The following DPH2 variants were observed in gnomAD, a reference collection of about 807,000 sequenced individuals.
The protein encoded by DPH2 is 2-(3-amino-3-carboxypropyl)histidine synthase subunit 2.
DPH2 carries 28 observed loss-of-function variants against 42.5 expected under a neutral mutation model. That is an observed-to-expected ratio of 0.66 (90% CI 0.49 to 0.90). The LOEUF is 0.90. DPH2 is among the 40% of genes least tolerant of loss of function. The pLI is 0.00. For synonymous variants in DPH2, 279 were observed against 264.4 expected (o/e 1.06, Z -0.53); for missense variants, 576 against 636.0 (o/e 0.91, Z 1.01).
chr1:43,972,258 G>C lies in DPH2; in HGVS notation c.1269G>C (p.Trp423Cys), dbSNP rs762053576. 3.7e-6 allele frequency: 6 copies of C among 1,614,074 alleles called. No homozygotes were observed. The African/African-American group carries it at 8.0e-5, about 22-fold the overall frequency. ...GAGATCTCCGACCCCCACCTGCCTGGAAGTCATCAAATGATCATGGAAGCT... is the reference window on the plus strand; with the variant it reads ...GAGATCTCCGACCCCCACCTGCCTGCAAGTCATCAAATGATCATGGAAGCT... Reference protein sequence around the residue: ...ITGDLRPPPAWKSSNDHGSLA... With the variant: ...ITGDLRPPPACKSSNDHGSLA... Residue 423 changes from tryptophan (W) to cysteine (C), a missense_variant, in exon 5 of 6, where the codon TGG becomes TGC. Transcript: ENST00000255108.
rs770955019 is a variant in DPH2 at position 43,972,491 on chromosome 1, T to C, written c.1422T>C (p.Ser474=). Reference sequence around the variant, plus strand: ...AGACGCCAGTGACAGAAGCTGTGAGTGGAAGACGAGGGATTGCCATCGCCT... The same window carrying C: ...AGACGCCAGTGACAGAAGCTGTGAGCGGAAGACGAGGGATTGCCATCGCCT... ...LGQTPVTEAV[S]GRRGIAIAYE... The change falls in exon 6 of 6, where the codon AGT becomes AGC. Residue 474 remains serine, a synonymous_variant. Coordinates refer to ENST00000255108, the MANE Select transcript of DPH2 (RefSeq NM_001384.5). 2 of 1,614,104 alleles carry C rather than the reference T, an allele frequency of 1.2e-6. No individual in the cohort carries two copies. Among genetic ancestry groups the C allele is most frequent in the Admixed American group, 3.3e-5 (2 of 60,020 alleles).
rs769917567 is a variant in DPH2 at position 43,972,422 on chromosome 1, C to A, written c.1353C>A (p.Phe451Leu). Residue 451 changes from phenylalanine (F) to leucine (L), a missense_variant, in exon 6 of 6, where the codon TTC (phenylalanine) becomes TTA (leucine). Transcript: ENST00000255108. ...ELAESSPAAS[F>L]LSSRSWQGLE... ...AGCCCCCTCCCTCTACAGCCTCATT[C>A]CTTAGTTCCCGGAGCTGGCAAGGGC... 6.2e-7 allele frequency: 1 copy of A among 1,614,232 alleles called. No homozygotes were observed. The highest frequency in any genetic ancestry group is 1.1e-5 in the South Asian group (1 of 91,088).
rs1252094672 is a variant in DPH2, at chr1:43,971,675, A to C, written c.773A>C (p.Gln258Pro). 6 of 1,614,080 alleles carry C rather than the reference A, an allele frequency of 3.7e-6. No individual in the cohort carries two copies. Among genetic ancestry groups the C allele is most frequent in the Non-Finnish European group, 5.1e-6 (6 of 1,180,020 alleles). The change falls in exon 4 of 6, where the codon CAG becomes CCG. Residue 258 changes from glutamine (Q) to proline (P), a missense_variant. Gln to Pro is a moderately conservative substitution (Grantham distance 76). Transcript: ENST00000255108. Reference protein sequence around the residue: ...SSCCPDTGKTQDEGARAGRLR... With the variant: ...SSCCPDTGKTPDEGARAGRLR... ...TGCTGTCCAGATACAGGGAAGACTC[A>C]GGATGAGGGTGCCCGGGCTGGACGG...
Position 43,971,302 on chromosome 1 carries a change from T to G in DPH2, c.485-85T>G, listed in dbSNP as rs1332054948. On this transcript the variant is annotated intron_variant, in intron 3 of 5. Coordinates refer to ENST00000255108, the MANE Select transcript of DPH2 (RefSeq NM_001384.5). ...TCTTGATATGGGCTTGGCCCCAGCC[T>G]ACTGGGTCATATTTAGTCTCCTGGG... 10 of 1,529,230 alleles carry G rather than the reference T, an allele frequency of 6.5e-6. No individual in the cohort carries two copies. In the East Asian group the frequency reaches 2.3e-4, roughly 35 times the overall value. The allele number at this position is 1,529,230 out of a possible 1,614,324, so 94.7% of individuals were successfully genotyped here.
In DPH2 at chr1:43,972,740, G is replaced by C. The variant is rs1480785477; in HGVS notation, c.*201G>C. 1.6e-5 allele frequency: 11 copies of C among 682,220 alleles called. No homozygotes were observed. The highest frequency in any genetic ancestry group is 2.6e-5 in the Non-Finnish European group (11 of 419,312). The allele number at this position is 682,220 out of a possible 1,614,324, so 42.3% of individuals were successfully genotyped here. On this transcript the variant is annotated 3_prime_UTR_variant, in exon 6 of 6. Coordinates refer to ENST00000255108, the MANE Select transcript of DPH2 (RefSeq NM_001384.5). ...AAGCTCAGCACATGCCCAGTAATGC[G>C]TGTTGTTTGGCTGATGGAATAAAGG...
At position 43,972,029 on chromosome 1, in the gene DPH2, G is replaced by C. The variant is rs1285124569; in HGVS notation, c.1127G>C (p.Gly376Ala). Residue 376 changes from glycine to alanine, a missense_variant, in exon 4 of 6, where the codon GGC (glycine) becomes GCC (alanine). By Grantham distance (60) the Gly-to-Ala change is moderately conservative (BLOSUM62 0). Coordinates refer to ENST00000255108, the MANE Select transcript of DPH2 (RefSeq NM_001384.5). ...TGCAACCCTGCCTGGCCACCTCCAG[G>C]CCTGGCTCCCCACCTCACACATTAT... The part of the protein sequence containing the change: ...AACNPAWPPP[G>A]LAPHLTHYAD... 1 of 1,614,120 alleles carries C rather than the reference G, an allele frequency of 6.2e-7. No homozygotes were observed. Among genetic ancestry groups the C allele is most frequent in the East Asian group, 2.2e-5 (1 of 44,884 alleles).
In DPH2 at chr1:43,971,719, T is replaced by C. The variant is rs2085430795; in HGVS notation, c.817T>C (p.Tyr273His). Residue 273 changes from tyrosine to histidine, a missense_variant, in exon 4 of 6, where the codon TAT becomes CAT. Coordinates refer to ENST00000255108, the MANE Select transcript of DPH2 (RefSeq NM_001384.5). ...RAGRLRARRR[Y>H]LVERARDARV... ...TGGACGGCTAAGGGCACGAAGACGATATCTGGTAGAGAGGGCCAGAGATGC... is the reference window on the plus strand; with the variant it reads ...TGGACGGCTAAGGGCACGAAGACGACATCTGGTAGAGAGGGCCAGAGATGC... The C allele has an allele frequency of 6.2e-7, 1 of 1,612,310 alleles. No individual in the cohort carries two copies. The highest frequency in any genetic ancestry group is 1.3e-5 in the African/African-American group (1 of 74,924).
At position 43,970,270 on chromosome 1, in the gene DPH2, T is replaced by C. The variant is rs768515197; in HGVS notation, c.95T>C (p.Val32Ala). 1.2e-6 allele frequency: 2 copies of C among 1,613,896 alleles called. No individual in the cohort carries two copies. The highest frequency in any genetic ancestry group is 2.7e-5 in the African/African-American group (2 of 74,858). Residue 32 changes from valine to alanine, a missense_variant, in exon 1 of 6, where the codon GTG (valine) becomes GCG (alanine). Physicochemically the swap from Val to Ala is moderately conservative, Grantham distance 64. Coordinates refer to ENST00000255108, the MANE Select transcript of DPH2 (RefSeq NM_001384.5). The stretch of plus-strand genomic sequence containing the variant: ...ACTCCTCTTCCGGACCTGGACGGAG[T>C]GTACGAGCTGGAGCGAGTCGCTGGA... Reference protein sequence around the residue: ...LLTPLPDLDGVYELERVAGFV... With the variant: ...LLTPLPDLDGAYELERVAGFV...
In DPH2 at chr1:43,971,951, T is replaced by C. The variant is rs1300859893; in HGVS notation, c.1049T>C (p.Leu350Pro). Reference protein sequence around the residue: ...ACPLGALAPQLSGSFFQPILA... With the variant: ...ACPLGALAPQPSGSFFQPILA... ...CCTCTGGGTGCTCTAGCCCCCCAGC[T>C]TTCTGGTAGCTTCTTCCAGCCTATA... Residue 350 changes from leucine to proline, a missense_variant, in exon 4 of 6, where the codon CTT becomes CCT. Leu to Pro is a moderately conservative substitution (Grantham distance 98). Coordinates refer to ENST00000255108, the MANE Select transcript of DPH2 (RefSeq NM_001384.5). The C allele has an allele frequency of 6.2e-7, 1 of 1,614,224 alleles. No individual in the cohort carries two copies. Among genetic ancestry groups the C allele is most frequent in the Non-Finnish European group, 8.5e-7 (1 of 1,180,040 alleles).
chr1:43,970,859 T>C lies in DPH2; in HGVS notation c.261-107T>C, dbSNP rs756185728. On this transcript the variant is annotated intron_variant, in intron 2 of 5. Transcript: ENST00000255108. ...TGATGCTAGCTCCTTTCATTGACAA[T>C]GTCTTCCTTTAATGAAACCATTTTA... 5 of 1,349,436 alleles carry C rather than the reference T, an allele frequency of 3.7e-6. No individual in the cohort carries two copies. The African/African-American group carries it at 7.2e-5, about 19-fold the overall frequency. 83.6% of individuals were successfully genotyped at this position (1,349,436 alleles called of 1,614,324 possible). A position where few individuals can be genotyped will look rare whatever the true frequency, so the allele number is the denominator to read the frequency against.
chr1:43,970,898 T>C (rs1296885049), intron 2 of DPH2, 68 bp from the exon 3 acceptor site: 9 of 1,484,756 alleles, frequency 6.1e-6, no homozygotes, highest in Non-Finnish European at 8.3e-6. Flanking sequence ...ACTGACCACA[T>C]TTCCCAGTGA....
chr1:43,970,098 G>A lies in DPH2; in HGVS notation c.-78G>A. On this transcript the variant is annotated 5_prime_UTR_variant, in exon 1 of 6. Transcript: ENST00000255108. ...CCACAAGGCGATTTTGACCCCCTGA[G>A]GGCTGCTCTAGAGGACTCAGGCCCC... is the stretch of plus-strand genomic sequence containing the variant. The A allele has an allele frequency of 6.4e-7, 1 of 1,550,866 alleles. No individual in the cohort carries two copies.
Position 43,972,415 on chromosome 1 carries a change from C to T in DPH2, c.1346C>T (p.Ala449Val), listed in dbSNP as rs35286676. ...QLELAESSPA[A>V]SFLSSRSWQG... ...CAGACTGAGCCCCCTCCCTCTACAG[C>T]CTCATTCCTTAGTTCCCGGAGCTGG... Residue 449 changes from alanine to valine, a missense_variant and splice_region_variant, in exon 6 of 6, where the codon GCC becomes GTC. By Grantham distance (64) the Ala-to-Val change is moderately conservative (BLOSUM62 0). Around this residue, in one of 3 missense-constraint regions of DPH2, gnomAD observed 178 missense variants for 184.4 expected, o/e 0.97. Coordinates refer to ENST00000255108, the MANE Select transcript of DPH2 (RefSeq NM_001384.5). The T allele has an allele frequency of 3.5e-4, 557 of 1,614,192 alleles. 2 individuals are homozygous for T. In the African/African-American group the frequency reaches 6.9e-3, roughly 20 times the overall value.
At chr1:43,970,520 A>G in intron 1 of DPH2, 76 bp from the exon 2 acceptor site, 1 of 1,558,870 alleles carries the variant, frequency 6.4e-7, no homozygotes, top group South Asian at 1.1e-5. Flanking sequence ...GTTGAGTGGG[A>G]GCTCCTGGAA....
At position 43,970,639 on chromosome 1, in the gene DPH2, C is replaced by T. The variant is rs1557640003; in HGVS notation, c.191C>T (p.Ala64Val). Residue 64 changes from alanine to valine, a missense_variant, in exon 2 of 6, where the codon GCT becomes GTT. Physicochemically the swap from Ala to Val is moderately conservative, Grantham distance 64 (BLOSUM62 0). Around this residue, in one of 3 missense-constraint regions of DPH2, gnomAD observed 395 missense variants for 435.2 expected, o/e 0.91. Transcript: ENST00000255108. The part of the protein sequence containing the change: ...FPDQLLGDAV[A>V]VAARLEETTG... ...GACCAGCTATTGGGAGATGCTGTGG[C>T]TGTGGCTGCACGACTGGAGGAGACG... The T allele has an allele frequency of 1.2e-6, 2 of 1,614,166 alleles. No individual in the cohort carries two copies. The highest frequency in any genetic ancestry group is 1.7e-6 in the Non-Finnish European group (2 of 1,180,030).
chr1:43,971,219 G>C (rs1325444876), intron 3 of DPH2, 30 bp downstream of exon 3: 2 of 1,542,444 alleles, frequency 1.3e-6, no homozygotes, highest in East Asian at 2.4e-5. Flanking sequence ...TATGCACAAA[G>C]GGTGAGCCAA....
rs1242770449 is a variant in DPH2, at chr1:43,971,589, C to T, written c.687C>T (p.Asp229=). ...VGGSKASPDP[D]LDPDLSRLLL... ...GCTCTAAGGCCAGCCCTGACCCAGA[C>T]CTTGACCCAGACCTGAGTCGGCTGC... Residue 229 remains aspartate (D), a synonymous_variant, in exon 4 of 6, where the codon GAC becomes GAT. Coordinates refer to ENST00000255108, the MANE Select transcript of DPH2 (RefSeq NM_001384.5). The T allele has an allele frequency of 6.2e-7, 1 of 1,613,966 alleles. No homozygotes were observed. The highest frequency in any genetic ancestry group is 8.5e-7 in the Non-Finnish European group (1 of 1,179,850).
In DPH2 at chr1:43,970,024, C is replaced by T. The variant is rs1470321146; in HGVS notation, c.-152C>T. Reference sequence around the variant, plus strand: ...AGCGGAGAAACAGTAGTTAGGATGGCTGAAGGGGATACTCACCGGCTGAAG... The same window carrying T: ...AGCGGAGAAACAGTAGTTAGGATGGTTGAAGGGGATACTCACCGGCTGAAG... On this transcript the variant is annotated 5_prime_UTR_variant, in exon 1 of 6. Coordinates refer to ENST00000255108, the MANE Select transcript of DPH2 (RefSeq NM_001384.5). The T allele has an allele frequency of 1.2e-6, 1 of 861,054 alleles. No homozygotes were observed. The highest frequency in any genetic ancestry group is 3.0e-5 in the Admixed American group (1 of 33,488). 53.3% of individuals were successfully genotyped at this position (861,054 alleles called of 1,614,324 possible).
chr1:43,970,972 C>T lies in DPH2; in HGVS notation c.267C>T (p.Cys89=). ...GATGCTATCTTCCCTGCAGCTGCTG[C>T]GTGGATGTGCTGGGTGCTGAGCAAG... ...ILGDTAYGSC[C]VDVLGAEQAG... The change falls in exon 3 of 6, where the codon TGC becomes TGT. Residue 89 remains cysteine, a synonymous_variant. Transcript: ENST00000255108. 1.9e-6 allele frequency: 3 copies of T among 1,576,034 alleles called. No homozygotes were observed. Among genetic ancestry groups the T allele is most frequent in the African/African-American group, 1.3e-5 (1 of 74,534 alleles).
Sources: gnomAD v4.1 joint callset for allele counts on GRCh38, gnomAD v4.1.1 for gene constraint, gnomAD v4.1.1 regional missense constraint, MANE v1.5 for transcripts, NCBI Gene and HGNC (gene_info 2026-07-23, HGNC 2026-07-21) for gene names.